Variants in SNF8 observed in about 807,000 individuals in gnomAD.
SNF8 encodes vacuolar-sorting protein SNF8.
In SNF8, 19 loss-of-function variants were observed where a neutral mutation model predicts 36.8. The ratio of observed to expected loss-of-function variants is 0.52; its 90% CI spans 0.36 to 0.76. The LOEUF (loss-of-function observed/expected upper bound fraction) is 0.76. Ranked by LOEUF, SNF8 falls within the 30% of genes least tolerant of loss-of-function variation. The pLI is 0.00. For synonymous variants in SNF8, 127 were observed against 127.4 expected, an observed-to-expected ratio of 1.00 and a Z score of 0.02; for missense variants, 268 against 322.9, an observed-to-expected ratio of 0.83 and a Z score of 1.30.
At chr17:48,934,125 C>T (rs141721500) in intron 5 of SNF8, among the ~76,000 whole-genome samples, 15 of 122,434 alleles carry the variant, frequency 1.2e-4, no homozygotes, top group African/African-American at 4.3e-4. Context: ...AGCCCACATA[C>T]AGAGTTTAAA....
chr17:48,936,166 C>A lies in SNF8; in HGVS notation c.422+4G>T. The A allele has an allele frequency of 6.2e-7, 1 of 1,611,204 alleles. No homozygotes were observed. Reference sequence around the variant, plus strand: ...ACTCCAAGGGATTGGAAGACAAGACCTACTGACTGACATCCTGGGCGAACT... The same window carrying A: ...ACTCCAAGGGATTGGAAGACAAGACATACTGACTGACATCCTGGGCGAACT... On this transcript the variant is annotated splice_donor_region_variant and intron_variant, in intron 5 of 7. Transcript: ENST00000502492.
chr17:48,935,888 G>T, intron 5 of SNF8: 1 of 298,074 alleles, frequency 3.4e-6, no homozygotes, highest in Admixed American at 4.8e-5. Flanking sequence ...CTACTTGGGA[G>T]GCTGAGGTGG....
intron 4 of SNF8, 122 bp downstream of exon 4, chr17:48,936,898 G>C: frequency 2.7e-6 from 2 of 750,348 alleles, no homozygotes; most frequent in Non-Finnish European, 4.7e-6. Context: ...GCATGAAACA[G>C]CTAAGATGTC....
chr17:48,937,157 G>C (rs978772273), intron 3 of SNF8, 33 bp from the exon 4 acceptor site: 1 of 1,482,552 alleles, frequency 6.7e-7, no homozygotes, highest in African/African-American at 1.4e-5. Context: ...CTCGGTTATT[G>C]ATTAATTTAC....
intron 2 of SNF8, among the ~76,000 whole-genome samples, chr17:48,941,509 C>T (rs181731835): frequency 2.6e-5 from 4 of 151,932 alleles, no homozygotes; most frequent in Admixed American, 6.6e-5. Flanking sequence ...AATCTTTACC[C>T]CCCCCAGCCG....
intron 3 of SNF8, among the ~76,000 whole-genome samples, chr17:48,937,630 CA>C (rs779378205): frequency 3.9e-4 from 56 of 143,110 alleles, no homozygotes; most frequent in African/African-American, 4.8e-4. Context: ...AACTCTCTCT[CA>C]AAAAAAAAAA....
At chr17:48,935,880 A>G (rs1370025340) in intron 5 of SNF8, 1 of 289,740 alleles carries the variant, frequency 3.5e-6, no homozygotes, top group Admixed American at 4.8e-5. Flanking sequence ...AATCCCAACT[A>G]CTTGGGAGGC....
chr17:48,931,954 A>C, intron 6 of SNF8: 3 of 374,082 alleles, frequency 8.0e-6, no homozygotes, highest in African/African-American at 2.1e-5. Context: ...ACGGCAGCTC[A>C]TGCCTGTAAT....
At chr17:48,938,142 C>T (rs2040963179) in intron 3 of SNF8, among the ~76,000 whole-genome samples, 1 of 151,868 alleles carries the variant, frequency 6.6e-6, no homozygotes, top group Non-Finnish European at 1.5e-5. Flanking sequence ...TGTGAGTTAC[C>T]AGGAGTGTAG....
At chr17:48,933,056 C>T in intron 6 of SNF8, 149 bp downstream of exon 6, 3 of 749,654 alleles carry the variant, frequency 4.0e-6, no homozygotes, top group Non-Finnish European at 6.3e-6. Context: ...CAATAAATGT[C>T]TGCTGAACAA....
intron 5 of SNF8, chr17:48,935,798 G>T (rs1189763771): frequency 1.2e-5 from 2 of 166,540 alleles, no homozygotes; most frequent in African/African-American, 4.8e-5. Flanking sequence ...AGAAATAATG[G>T]TTTTTGTTTC....
chr17:48,944,116 C>T, intron 1 of SNF8, 141 bp from the exon 2 acceptor site: 1 of 695,742 alleles, frequency 1.4e-6, no homozygotes, highest in Admixed American at 2.4e-5. Context: ...TCCTGGCTAA[C>T]ACAGTGAAAC....
chr17:48,934,552 C>T (rs1365819328), intron 5 of SNF8: 1 of 171,668 alleles, frequency 5.8e-6, no homozygotes, highest in South Asian at 9.1e-5. Flanking sequence ...TGCAGTGAGC[C>T]GAGATTGTAC....
intron 2 of SNF8, among the ~76,000 whole-genome samples, chr17:48,943,191 C>T (rs1282577112): frequency 1.3e-5 from 2 of 149,316 alleles, no homozygotes; most frequent in South Asian, 2.3e-4. Context: ...AGAATATGGC[C>T]GGGCGCGGTG....
intron 1 of SNF8, 90 bp downstream of exon 1, chr17:48,944,591 G>C (rs2041076812): frequency 2.9e-6 from 4 of 1,369,376 alleles, no homozygotes; most frequent in Non-Finnish European, 3.1e-6. Context: ...ATTCTGTTGG[G>C]AGGTGATTAA....
intron 5 of SNF8, among the ~76,000 whole-genome samples, chr17:48,934,042 T>G (rs1353921779): frequency 6.6e-6 from 1 of 152,216 alleles, no homozygotes; most frequent in Non-Finnish European, 1.5e-5. Context: ...AACCCAATAC[T>G]GCCAAGTTTT....
At chr17:48,944,203 G>A (rs2041071565) in intron 1 of SNF8, 2 of 483,656 alleles carry the variant, frequency 4.1e-6, no homozygotes, top group South Asian at 2.1e-5. Context: ...TCAGGAGGCT[G>A]AGGCAGGAGA....
chr17:48,935,867 T>C (rs1371857822), intron 5 of SNF8: 1 of 268,422 alleles, frequency 3.7e-6, no homozygotes, highest in Non-Finnish European at 7.2e-6. Flanking sequence ...GGCCCATGCC[T>C]ATAATCCCAA....
intron 3 of SNF8, among the ~76,000 whole-genome samples, chr17:48,938,873 C>CAA (rs1162729148): frequency 9.7e-6 from 1 of 102,776 alleles, no homozygotes. Context: ...GACTCCGTCT[C>CAA]AAAAAAAAAA....
Sources: allele counts gnomAD v4.1 joint callset (sites outside exome capture counted in the v4.1 genomes callset), GRCh38; gene constraint gnomAD v4.1.1; transcripts MANE v1.5; gene names NCBI Gene and HGNC (gene_info 2026-07-23, HGNC 2026-07-21).